RAD54L2: variants seen among roughly 807,000 people sequenced by gnomAD.
RAD54L2 encodes the protein RAD54 like 2.
In RAD54L2, 27 loss-of-function variants were observed where a neutral mutation model predicts 138.4. That is an observed-to-expected ratio of 0.20 (90% confidence interval 0.14 to 0.27). The LOEUF (loss-of-function observed/expected upper bound fraction) is 0.27. Among genes scored for constraint, RAD54L2 ranks in the 10% least tolerant of loss-of-function variants. The probability of loss-of-function intolerance (pLI) is 1.00; values close to 1 mark genes in which losing one functional copy is unlikely to be tolerated. For synonymous variants in RAD54L2, 644 were observed against 723.2 expected, an observed-to-expected ratio of 0.89 and a Z score of 1.76; for missense variants, 1,396 against 1,890.2, an observed-to-expected ratio of 0.74 and a Z score of 4.85.
At chr3:51,563,224 T>C (rs930822881) in intron 2 of RAD54L2, among the ~76,000 whole-genome samples, 4 of 152,182 alleles carry the variant, frequency 2.6e-5, no homozygotes, top group Non-Finnish European at 5.9e-5. Context: ...GTTTTGTAAA[T>C]TTAAAAAACC....
rs777630271 is a variant in RAD54L2, at chr3:51,660,075, T to C, written c.3366T>C (p.Thr1122=). Residue 1122 remains threonine (T), a synonymous_variant, in exon 22 of 23, where the codon ACT becomes ACC. Transcript: ENST00000684192. The part of the protein sequence containing the change: ...SDGRIFAVRA[T]GKPKVPEDGR... ...GACGGATCTTTGCTGTCCGGGCAAC[T>C]GGCAAACCAAAGGTTCCTGAAGATG... 6 of 1,601,050 alleles carry C rather than the reference T, an allele frequency of 3.7e-6. No homozygotes were observed. The highest frequency in any genetic ancestry group is 5.1e-6 in the Non-Finnish European group (6 of 1,169,140).
chr3:51,599,906 C>T (rs932685187), intron 3 of RAD54L2, among the ~76,000 whole-genome samples: 1 of 151,860 alleles, frequency 6.6e-6, no homozygotes, highest in African/African-American at 2.4e-5. Context: ...GCATGAGCTA[C>T]TGTGCCTGGC....
At chr3:51,607,780 C>T (rs1194806592) in intron 3 of RAD54L2, among the ~76,000 whole-genome samples, 3 of 150,918 alleles carry the variant, frequency 2.0e-5, no homozygotes, top group Non-Finnish European at 4.4e-5. Flanking sequence ...GGCCCCCCAC[C>T]TCCCAGATGG....
intron 2 of RAD54L2, among the ~76,000 whole-genome samples, chr3:51,588,828 G>A (rs142844824): frequency 2.2e-4 from 33 of 152,246 alleles, no homozygotes; most frequent in African/African-American, 7.7e-4. Flanking sequence ...AATAACTTGG[G>A]TAAAACATAC....
chr3:51,659,098 G>GTTTTTT (rs1014568687), intron 21 of RAD54L2, among the ~76,000 whole-genome samples: 85 of 75,014 alleles, frequency 1.1e-3, no homozygotes, highest in Non-Finnish European at 1.4e-3. Flanking sequence ...TCCGGCTCTT[G>GTTTTTT]TTTTTTTTTT....
At chr3:51,615,500 T>A (rs1468205688) in intron 3 of RAD54L2, among the ~76,000 whole-genome samples, 1 of 152,202 alleles carries the variant, frequency 6.6e-6, no homozygotes, top group Non-Finnish European at 1.5e-5. Flanking sequence ...AGCGGCAAAA[T>A]TTTAAAACTA....
chr3:51,571,080 C>T (rs1164199163), intron 2 of RAD54L2, among the ~76,000 whole-genome samples: 4 of 152,176 alleles, frequency 2.6e-5, no homozygotes, highest in Non-Finnish European at 5.9e-5. Flanking sequence ...CTCAGCCTCC[C>T]GAAGTGTTGG....
chr3:51,645,595 G>A lies in RAD54L2; in HGVS notation c.2661G>A (p.Arg887=), dbSNP rs768973079. ...TTCATGTCTTTATCCTTCTAGATCGGGTGGTGGATGATCTAAATCCAATGC... is the reference window on the plus strand; with the variant it reads ...TTCATGTCTTTATCCTTCTAGATCGAGTGGTGGATGATCTAAATCCAATGC... The part of the protein sequence containing the change: ...RQISKQGMSD[R]VVDDLNPMLN... Residue 887 remains arginine (R), a synonymous_variant, in exon 18 of 23, where the codon CGG becomes CGA. Coordinates refer to ENST00000684192, the MANE Select transcript of RAD54L2 (RefSeq NM_015106.4). The surrounding 1 kb of genome is among the most constrained non-coding windows in gnomAD (Gnocchi z 6.1). The A allele has an allele frequency of 1.2e-6, 2 of 1,610,306 alleles. No individual in the cohort carries two copies. The highest frequency in any genetic ancestry group is 2.2e-5 in the East Asian group (1 of 44,828).
At chr3:51,605,087 T>TC in intron 3 of RAD54L2, among the ~76,000 whole-genome samples, 1 of 127,722 alleles carries the variant, frequency 7.8e-6, no homozygotes, top group African/African-American at 2.6e-5. Context: ...CATACCTGGC[T>TC]AATTTTTTTT....
intron 7 of RAD54L2, among the ~76,000 whole-genome samples, chr3:51,632,289 CTGTTGT>C (rs551445567): frequency 1.3e-4 from 19 of 151,990 alleles, no homozygotes; most frequent in Middle Eastern, 3.4e-3. Context: ...AAAAACTCTT[CTGTTGT>C]TGTTGTTGTT....
intron 9 of RAD54L2, 25 bp downstream of exon 9, chr3:51,634,060 T>C: frequency 6.2e-7 from 1 of 1,608,222 alleles, no homozygotes; most frequent in South Asian, 1.1e-5. Flanking sequence ...CTTTCCTCTC[T>C]GCCCCTTTCC....
In RAD54L2 at chr3:51,663,560, G is replaced by T; in HGVS notation, c.*140G>T. On this transcript the variant is annotated 3_prime_UTR_variant, in exon 23 of 23. Transcript: ENST00000684192. ...GGACAAAGGAGGGTGGTTGGCCAAA[G>T]TGGCAGAGCTCTGTTGCTGTTTAAC... 2.0e-6 allele frequency: 1 copy of T among 491,346 alleles called. No homozygotes were observed. The highest frequency in any genetic ancestry group is 3.1e-6 in the Non-Finnish European group (1 of 318,222). The allele number at this position is 491,346 out of a possible 1,614,324, so 30.4% of individuals were successfully genotyped here. A position where few individuals can be genotyped will look rare whatever the true frequency, so the allele number is the denominator to read the frequency against.
At chr3:51,554,405 G>A (rs1698914685) in intron 2 of RAD54L2, among the ~76,000 whole-genome samples, 2 of 151,642 alleles carry the variant, frequency 1.3e-5, no homozygotes, top group Admixed American at 1.3e-4. Context: ...TGGTGCACAG[G>A]TGTAATCCCA....
At position 51,629,338 on chromosome 3, in the gene RAD54L2, C is replaced by A; in HGVS notation, c.346C>A (p.Leu116Ile). 1 of 1,585,086 alleles carries A rather than the reference C, an allele frequency of 6.3e-7. No homozygotes were observed. The highest frequency in any genetic ancestry group is 8.6e-7 in the Non-Finnish European group (1 of 1,165,456). Residue 116 changes from leucine to isoleucine, a missense_variant, in exon 5 of 23, where the codon CTA (leucine) becomes ATA (isoleucine). This residue lies in a region of RAD54L2 where 256 missense variants were observed against 344.6 expected (regional missense o/e 0.74). Transcript: ENST00000684192. The stretch of plus-strand genomic sequence containing the variant: ...GTCTCTTATGTGAATGTTTAGAAAG[C>A]TACTCCGGGAGGATCAATTGGAGCC... The part of the protein sequence containing the change: ...PSHMRRNIRK[L>I]LREDQLEPVT...
chr3:51,560,145 T>A (rs2106637916), intron 2 of RAD54L2, among the ~76,000 whole-genome samples: 1 of 150,770 alleles, frequency 6.6e-6, no homozygotes, highest in Non-Finnish European at 1.5e-5. Flanking sequence ...ACCTATGGCC[T>A]CTTCAGCAGT....
intron 2 of RAD54L2, among the ~76,000 whole-genome samples, chr3:51,562,389 G>GC (rs1482460766): frequency 7.2e-5 from 11 of 152,080 alleles, no homozygotes; most frequent in African/African-American, 2.4e-4. Context: ...CCACCACCAT[G>GC]TCTGGCTAAT....
At chr3:51,608,698 C>T (rs951812468) in intron 3 of RAD54L2, among the ~76,000 whole-genome samples, 2 of 152,218 alleles carry the variant, frequency 1.3e-5, no homozygotes, top group South Asian at 2.1e-4. Context: ...TGGCGGCGCA[C>T]GCCTGCAATC....
At chr3:51,649,374 C>G (rs2106832641) in intron 19 of RAD54L2, among the ~76,000 whole-genome samples, 1 of 152,314 alleles carries the variant, frequency 6.6e-6, no homozygotes, top group East Asian at 1.9e-4. Flanking sequence ...AAACACTCTT[C>G]AGGATATTAT....
chr3:51,644,775 C>A (rs1308303546), intron 16 of RAD54L2, among the ~76,000 whole-genome samples: 1 of 152,110 alleles, frequency 6.6e-6, no homozygotes, highest in East Asian at 1.9e-4. Flanking sequence ...GATGCGGGGG[C>A]CTTACTTGTT....
Sources: gnomAD v4.1 joint callset for allele counts (sites outside exome capture counted in the v4.1 genomes callset) on GRCh38, gnomAD v4.1.1 for gene constraint, gnomAD v4.1.1 regional missense constraint, Gnocchi (gnomAD v3.1) non-coding constraint, MANE v1.5 for transcripts, NCBI Gene and HGNC (gene_info 2026-07-23, HGNC 2026-07-21) for gene names.